RPH3A: variants seen among roughly 807,000 people sequenced by gnomAD.
RPH3A encodes the protein rabphilin 3A.
Under a neutral mutation model 102.2 loss-of-function variants are expected in RPH3A, and 48 were observed. The ratio of observed to expected loss-of-function variants is 0.47; its 90% CI spans 0.37 to 0.60. The LOEUF (loss-of-function observed/expected upper bound fraction) is 0.60, where lower values mean the gene tolerates loss of function less well. Ranked by LOEUF, RPH3A falls within the 20% of genes least tolerant of loss-of-function variation. The pLI is 0.00. For synonymous variants in RPH3A, 310 were observed against 324.3 expected, an observed-to-expected ratio of 0.96 and a Z score of 0.47; for missense variants, 781 against 910.1, an observed-to-expected ratio of 0.86 and a Z score of 1.83.
intron 1 of RPH3A, among the ~76,000 whole-genome samples, chr12:112,739,510 C>T (rs909250092): frequency 5.3e-5 from 8 of 152,176 alleles, no homozygotes; most frequent in Non-Finnish European, 1.2e-4. Context: ...TTGAGAAGGT[C>T]ATCTGGCCTC....
intron 1 of RPH3A, among the ~76,000 whole-genome samples, chr12:112,770,243 A>G (rs2040918463): frequency 6.6e-6 from 1 of 152,240 alleles, no homozygotes; most frequent in South Asian, 2.1e-4. Context: ...CCCCTCAGGC[A>G]GACACTGAGA....
At chr12:112,831,225 G>T (rs2041965631) in intron 3 of RPH3A, among the ~76,000 whole-genome samples, 1 of 148,762 alleles carries the variant, frequency 6.7e-6, no homozygotes, top group South Asian at 2.1e-4. Context: ...CTTTTTCTAT[G>T]GTTCTTTTGT....
intron 1 of RPH3A, among the ~76,000 whole-genome samples, chr12:112,683,454 C>T (rs978242769): frequency 6.6e-6 from 1 of 152,074 alleles, no homozygotes; most frequent in Non-Finnish European, 1.5e-5. Context: ...AGTTTGGGTC[C>T]CTCTAAAGAT....
intron 1 of RPH3A, among the ~76,000 whole-genome samples, chr12:112,759,115 A>G (rs3803062): frequency 0.78 from 118,098 of 151,746 alleles, 46,960 homozygotes; most frequent in African/African-American, 0.94. Flanking sequence ...GATTGCGGTC[A>G]CTGCCTTAGA....
intron 10 of RPH3A, chr12:112,873,733 A>G (rs1012153191): frequency 6.6e-6 from 1 of 152,226 alleles, no homozygotes; most frequent in African/African-American, 2.4e-5. Flanking sequence ...GCACAATACC[A>G]TGCATGGCAT....
chr12:112,797,696 A>ATT lies in RPH3A; in HGVS notation c.-19+5445_-19+5446dup, dbSNP rs553608207. Among the ~76,000 whole-genome samples the ATT allele has an allele frequency of 7.1e-3, 1,038 of 146,718 alleles. 4 individuals carry two copies. Among genetic ancestry groups the ATT allele is most frequent in the Admixed American group, 0.012 (181 of 14,682 alleles). ...GCTTTGAGAGTGAATGAAAAAAAAA[A>ATT]TTTTTTTTTTTTTGATAGGATCTTG... On this transcript the variant is annotated intron_variant, in intron 2 of 21. Transcript: ENST00000389385.
At chr12:112,850,494 C>G (rs972925415) in intron 5 of RPH3A, among the ~76,000 whole-genome samples, 1 of 152,252 alleles carries the variant, frequency 6.6e-6, no homozygotes, top group Non-Finnish European at 1.5e-5. Context: ...TCTTTGGTGA[C>G]AGAATGTCCC....
At chr12:112,877,392 GCACACACGTATACACA>G (rs1240885774) in intron 13 of RPH3A, among the ~76,000 whole-genome samples, 2 of 136,714 alleles carry the variant, frequency 1.5e-5, no homozygotes, top group Non-Finnish European at 3.0e-5. Context: ...CCAGGGATAC[GCACACACGTATACACA>G]CACACACGTA....
chr12:112,677,395 C>A (rs1255112354), intron 1 of RPH3A, among the ~76,000 whole-genome samples: 1 of 67,226 alleles, frequency 1.5e-5, no homozygotes, highest in Non-Finnish European at 3.0e-5. Flanking sequence ...CCCTCCCTCC[C>A]TCCCTCCCTC....
rs1262033268 is a variant in RPH3A at position 112,887,697 on chromosome 12, A to G, written c.1437-100A>G. ...AGGAAATCATATTATTTCCACATAC[A>G]TTACACATTCCTTACCAGTATCAGC... On this transcript the variant is annotated intron_variant, in intron 16 of 21. Transcript: ENST00000389385. 3.9e-6 allele frequency: 5 copies of G among 1,273,742 alleles called. No individual in the cohort carries two copies. The African/African-American group carries it at 5.9e-5, about 15-fold the overall frequency. 78.9% of individuals were successfully genotyped at this position (1,273,742 alleles called of 1,614,324 possible). A position where few individuals can be genotyped will look rare whatever the true frequency, so the allele number is the denominator to read the frequency against.
At position 112,876,676 on chromosome 12, in the gene RPH3A, AC is replaced by A; in HGVS notation, c.985del (p.Arg329GlufsTer21). ...APSDPGTTAP[P>X]REERTGGVGG... The stretch of plus-strand genomic sequence containing the variant: ...CGAGCGACCCTGGGACCACTGCCCC[AC>A]CCCGAGAGGAGAGAACAGGGGGAGT... On this transcript the variant is annotated frameshift_variant, in exon 13 of 22. Coordinates refer to ENST00000389385, the MANE Select transcript of RPH3A (RefSeq NM_001143854.2). LOFTEE classifies it high-confidence loss of function. The A allele has an allele frequency of 6.2e-7, 1 of 1,612,236 alleles. No individual in the cohort carries two copies. Among genetic ancestry groups the A allele is most frequent in the Non-Finnish European group, 8.5e-7 (1 of 1,179,274 alleles).
In RPH3A at chr12:112,813,056, A is replaced by G. The variant is rs79524362; in HGVS notation, c.-18-15245A>G. ...TAATCCTTTAACATCCCTGTAAGATAGGTGCTGTTATCATCCTTGTTTTTC... is the reference window on the plus strand; with the variant it reads ...TAATCCTTTAACATCCCTGTAAGATGGGTGCTGTTATCATCCTTGTTTTTC... On this transcript the variant is annotated intron_variant, in intron 2 of 21. Coordinates refer to ENST00000389385, the MANE Select transcript of RPH3A (RefSeq NM_001143854.2). Among the ~76,000 whole-genome samples the G allele has an allele frequency of 7.1e-3, 1,080 of 152,378 alleles. 14 individuals are homozygous for G. The highest frequency in any genetic ancestry group is 0.024 in the African/African-American group (1,017 of 41,588).
intron 1 of RPH3A, among the ~76,000 whole-genome samples, chr12:112,714,129 A>G (rs771266421): frequency 6.6e-6 from 1 of 152,122 alleles, no homozygotes; most frequent in African/African-American, 2.4e-5. Context: ...TTCTGTCCCA[A>G]TGTGTCTATC....
intron 1 of RPH3A, among the ~76,000 whole-genome samples, chr12:112,706,411 G>A (rs1325737472): frequency 1.3e-5 from 2 of 152,086 alleles, no homozygotes; most frequent in Non-Finnish European, 2.9e-5. Flanking sequence ...GTTCAAGGAT[G>A]CACTCTTCAA....
At chr12:112,803,940 T>C (rs113785820) in intron 2 of RPH3A, among the ~76,000 whole-genome samples, 6,135 of 152,274 alleles carry the variant, frequency 0.04, 398 homozygotes, top group African/African-American at 0.14. Flanking sequence ...ACCTCCCTCA[T>C]AGAGTGGCTG....
At chr12:112,585,810 A>G (rs1370020493) in intron 1 of RPH3A, among the ~76,000 whole-genome samples, 2 of 152,312 alleles carry the variant, frequency 1.3e-5, no homozygotes, top group East Asian at 3.9e-4. Flanking sequence ...TAGAGAATCA[A>G]CACACCTCTA....
intron 4 of RPH3A, among the ~76,000 whole-genome samples, chr12:112,843,412 G>A (rs564366252): frequency 6.6e-6 from 1 of 152,332 alleles, no homozygotes; most frequent in Admixed American, 6.5e-5. Flanking sequence ...GATGGGGGAA[G>A]GGTTTGGAAA....
At chr12:112,863,587 G>A (rs1293333461) in intron 5 of RPH3A, among the ~76,000 whole-genome samples, 1 of 152,238 alleles carries the variant, frequency 6.6e-6, no homozygotes, top group Admixed American at 6.5e-5. Context: ...CCAAAGTGTT[G>A]GGATTACAGG....
chr12:112,654,403 C>CT (rs940480637), intron 1 of RPH3A, among the ~76,000 whole-genome samples: 8 of 150,804 alleles, frequency 5.3e-5, no homozygotes, highest in Middle Eastern at 3.4e-3. Flanking sequence ...TTTCTCTTGC[C>CT]TTTTTTTTTC....
Sources: gnomAD v4.1 joint callset for allele counts (sites outside exome capture counted in the v4.1 genomes callset) on GRCh38, gnomAD v4.1.1 for gene constraint, MANE v1.5 for transcripts, NCBI Gene and HGNC (gene_info 2026-07-23, HGNC 2026-07-21) for gene names.